Variants in HDAC9 observed in about 807,000 individuals in gnomAD.
HDAC9 encodes the protein histone deacetylase 9.
In HDAC9, 41 loss-of-function variants were observed where a neutral mutation model predicts 139.4. That is an observed-to-expected ratio of 0.29 (90% CI 0.23 to 0.38). The LOEUF (loss-of-function observed/expected upper bound fraction) is 0.38. HDAC9 is among the 10% of genes least tolerant of loss of function. HDAC9 has a pLI of 1.00. For missense variants in HDAC9, 1,147 were observed against 1,297.0 expected, an observed-to-expected ratio of 0.88 and a Z score of 1.78; for synonymous variants, 517 against 476.2, an observed-to-expected ratio of 1.09 and a Z score of -1.12.
intron 12 of HDAC9, among the ~76,000 whole-genome samples, chr7:18,682,786 C>T (rs151012554): frequency 0.072 from 10,900 of 151,546 alleles, 445 homozygotes; most frequent in East Asian, 0.16. Flanking sequence ...AGTTCGAGAC[C>T]AGCCTGGCCA....
chr7:18,578,123 G>A, intron 2 of HDAC9: 1 of 518,858 alleles, frequency 1.9e-6, no homozygotes, highest in South Asian at 1.4e-5. Context: ...GCAGCTGCAG[G>A]GAACTGTGGG....
intron 1 of HDAC9, among the ~76,000 whole-genome samples, chr7:18,381,198 CAAAAAAAAAAA>C (rs60825586): frequency 1.4e-5 from 1 of 73,340 alleles, no homozygotes; most frequent in Admixed American, 2.1e-4. Flanking sequence ...GACTCTGTCT[CAAAAAAAAAAA>C]AAAAAAAAAA....
At position 19,000,759 on chromosome 7, in the gene HDAC9, C is replaced by A. The variant is rs906681582; in HGVS notation, c.*4697C>A. 15 of 152,118 alleles carry A rather than the reference C, an allele frequency of 9.9e-5. No individual in the cohort carries two copies. The highest frequency in any genetic ancestry group is 2.9e-4 in the African/African-American group (12 of 41,416). The allele number at this position is 152,118 out of a possible 1,614,324, so 9.4% of individuals were successfully genotyped here. ...ACATGGTGAATCTGGTGTAAACTTACAATCTAACAAATAATTTTCTTTCAA... is the reference window on the plus strand; with the variant it reads ...ACATGGTGAATCTGGTGTAAACTTAAAATCTAACAAATAATTTTCTTTCAA... On this transcript the variant is annotated 3_prime_UTR_variant, in exon 26 of 26. Transcript: ENST00000686413.
chr7:18,139,495 A>G (rs765778713), intron 1 of HDAC9, among the ~76,000 whole-genome samples: 32 of 152,134 alleles, frequency 2.1e-4, no homozygotes, highest in Admixed American at 3.9e-4. Flanking sequence ...CTTATAATCT[A>G]TACACACTAC....
chr7:18,801,821 T>C lies in HDAC9; in HGVS notation c.2322+8369T>C, dbSNP rs189461965. Among the ~76,000 whole-genome samples the C allele has an allele frequency of 1.4e-4, 22 of 152,176 alleles. No individual in the cohort carries two copies. In the East Asian group the frequency reaches 4.0e-3, roughly 28 times the overall value. ...AGGAGTGTTGTATTTTTTCTTGACATTTACATATTGGAGCCAAATTTTCAA... is the reference window on the plus strand; with the variant it reads ...AGGAGTGTTGTATTTTTTCTTGACACTTACATATTGGAGCCAAATTTTCAA... On this transcript the variant is annotated intron_variant, in intron 17 of 25. Coordinates refer to ENST00000686413, the MANE Select transcript of HDAC9 (RefSeq NM_178425.4).
At chr7:18,627,530 T>C (rs1392280759) in intron 6 of HDAC9, among the ~76,000 whole-genome samples, 1 of 152,224 alleles carries the variant, frequency 6.6e-6, no homozygotes, top group Non-Finnish European at 1.5e-5. Context: ...AAAACATATC[T>C]AAGTACATTA....
intron 1 of HDAC9, among the ~76,000 whole-genome samples, chr7:18,131,725 A>G (rs111436613): frequency 0.05 from 7,542 of 152,208 alleles, 276 homozygotes; most frequent in South Asian, 0.075. Flanking sequence ...GAGGAGGGTG[A>G]AGGTGAGGCG....
intron 8 of HDAC9, among the ~76,000 whole-genome samples, chr7:18,640,709 C>T (rs530314613): frequency 1.3e-4 from 20 of 152,088 alleles, no homozygotes; most frequent in African/African-American, 4.1e-4. Context: ...TGCATCATTC[C>T]ATTTTCTTGC....
At chr7:18,787,509 C>A (rs1276304351) in intron 16 of HDAC9, among the ~76,000 whole-genome samples, 1 of 152,156 alleles carries the variant, frequency 6.6e-6, no homozygotes. Context: ...TGCCTTCATG[C>A]TTGGTACATT....
intron 14 of HDAC9, among the ~76,000 whole-genome samples, chr7:18,759,411 C>A (rs937068546): frequency 6.6e-6 from 1 of 151,970 alleles, no homozygotes; most frequent in Non-Finnish European, 1.5e-5. Flanking sequence ...CTATTGTGAA[C>A]TGCGCATGTG....
In HDAC9 at chr7:18,223,534, G is replaced by C. The variant is rs539073811; in HGVS notation, c.25+61185G>C. ...TATCCAAGGCTACACCGTTTTAAAT[G>C]ATAGTGCCATAACACAAATACAGGC... is the stretch of plus-strand genomic sequence containing the variant. On this transcript the variant is annotated intron_variant, in intron 2 of 12. Transcript: ENST00000417496. 3.9e-5 allele frequency among the ~76,000 whole-genome samples: 6 copies of C among 152,012 alleles called. No homozygotes were observed. The South Asian group carries it at 1.2e-3, about 31-fold the overall frequency.
chr7:18,407,983 T>G (rs147252146), intron 1 of HDAC9, among the ~76,000 whole-genome samples: 157 of 152,278 alleles, frequency 1.0e-3, no homozygotes, highest in African/African-American at 3.7e-3. Context: ...CATATTCAAT[T>G]GTGTGTCGAT....
intron 2 of HDAC9, among the ~76,000 whole-genome samples, chr7:18,250,726 T>G (rs1794866835): frequency 6.6e-6 from 1 of 152,206 alleles, no homozygotes; most frequent in Admixed American, 6.5e-5. Context: ...TGAACTAATT[T>G]AAACTCCCAC....
At chr7:18,182,761 A>C (rs1222650861) in intron 2 of HDAC9, among the ~76,000 whole-genome samples, 1 of 152,200 alleles carries the variant, frequency 6.6e-6, no homozygotes, top group South Asian at 2.1e-4. Flanking sequence ...ATTGTTAACC[A>C]CAGTTCTGCT....
chr7:18,358,780 C>T (rs945909184), intron 1 of HDAC9, among the ~76,000 whole-genome samples: 2 of 152,208 alleles, frequency 1.3e-5, no homozygotes, highest in African/African-American at 4.8e-5. Context: ...TTACCACTTA[C>T]TCTAGCTATA....
chr7:18,595,623 C>T (rs1049648820), intron 6 of HDAC9, among the ~76,000 whole-genome samples: 16 of 152,040 alleles, frequency 1.1e-4, no homozygotes, highest in African/African-American at 3.6e-4. Context: ...TATGGATTCC[C>T]CTTATGGCAG....
chr7:18,758,936 T>C (rs1036008514), intron 14 of HDAC9, among the ~76,000 whole-genome samples: 3 of 149,878 alleles, frequency 2.0e-5, no homozygotes, highest in East Asian at 2.0e-4. Context: ...AGTGAAATTA[T>C]TTTTTAAAAA....
chr7:18,121,144 AG>A (rs1784344226), intron 1 of HDAC9, among the ~76,000 whole-genome samples: 1 of 152,230 alleles, frequency 6.6e-6, no homozygotes, highest in South Asian at 2.1e-4. Flanking sequence ...GGTAAGAAAA[AG>A]TTAATTTAAA....
chr7:18,280,520 G>A (rs945696350), intron 2 of HDAC9, among the ~76,000 whole-genome samples: 11 of 151,762 alleles, frequency 7.2e-5, no homozygotes, highest in African/African-American at 2.2e-4. Context: ...CCTGGGAGGC[G>A]GAGGTTGCAT....
Sources: allele counts gnomAD v4.1 joint callset (sites outside exome capture counted in the v4.1 genomes callset), GRCh38; gene constraint gnomAD v4.1.1; transcripts MANE v1.5; gene names NCBI Gene and HGNC (gene_info 2026-07-23, HGNC 2026-07-21).